Variants in NALF1 observed in about 807,000 individuals in gnomAD.
The protein encoded by NALF1 is family with sequence similarity 155 member A.
A neutral mutation model predicts 48.4 loss-of-function variants in NALF1; 3 were observed. That is an observed-to-expected ratio of 0.06 (90% CI 0.03 to 0.16). The LOEUF (loss-of-function observed/expected upper bound fraction) is 0.16. Ranked by LOEUF, NALF1 falls within the 10% of genes least tolerant of loss-of-function variation. The pLI, the probability that NALF1 is intolerant of heterozygous loss-of-function variation, is 1.00. For synonymous variants in NALF1, 262 were observed against 245.7 expected, an observed-to-expected ratio of 1.07 and a Z score of -0.62; for missense variants, 526 against 571.5, an observed-to-expected ratio of 0.92 and a Z score of 0.81.
chr13:107,302,705 T>A (rs1030198833), intron 1 of NALF1, among the ~76,000 whole-genome samples: 1 of 152,166 alleles, frequency 6.6e-6, no homozygotes, highest in Non-Finnish European at 1.5e-5. Context: ...TTCAAAACAA[T>A]TGAATCTGAA....
At chr13:107,186,949 C>G (rs1356106744) in intron 2 of NALF1, among the ~76,000 whole-genome samples, 1 of 152,156 alleles carries the variant, frequency 6.6e-6, no homozygotes, top group Non-Finnish European at 1.5e-5. Flanking sequence ...ACTGATGTCC[C>G]CATTTTCTTG....
rs72367311 is a variant in NALF1, at chr13:107,181,613, C to CTTT, written c.1088-10830_1088-10828dup. ...TTTTCCTTGTGTCTTACTATATAGA[C>CTTT]TTTTTTTTTTTTTGCAAATGTTAGT... On this transcript the variant is annotated intron_variant, in intron 2 of 2. Coordinates refer to ENST00000375915, the MANE Select transcript of NALF1 (RefSeq NM_001080396.3). Among the ~76,000 whole-genome samples, 177 of 134,740 alleles carry CTTT rather than the reference C, an allele frequency of 1.3e-3. 1 individual carries two copies. Among genetic ancestry groups the CTTT allele is most frequent in the Non-Finnish European group, 1.9e-3 (119 of 63,452 alleles). 88.4% of individuals were successfully genotyped at this position (134,740 alleles called of 152,430 possible). A position where few individuals can be genotyped will look rare whatever the true frequency, so the allele number is the denominator to read the frequency against.
intron 1 of NALF1, among the ~76,000 whole-genome samples, chr13:107,849,205 G>A (rs991018508): frequency 2.0e-5 from 3 of 152,100 alleles, no homozygotes; most frequent in Admixed American, 6.6e-5. Flanking sequence ...AACAATGTTT[G>A]GAAAGTGATA....
intron 1 of NALF1, among the ~76,000 whole-genome samples, chr13:107,774,427 C>A (rs1480718172): frequency 6.6e-6 from 1 of 152,064 alleles, no homozygotes; most frequent in Non-Finnish European, 1.5e-5. Flanking sequence ...GGACAAAATC[C>A]TAAGAAATTA....
chr13:107,368,150 G>A (rs1364703946), intron 1 of NALF1, among the ~76,000 whole-genome samples: 1 of 151,900 alleles, frequency 6.6e-6, no homozygotes, highest in African/African-American at 2.4e-5. Context: ...TTGCATCTAG[G>A]AAACAAAGGG....
At chr13:107,275,727 G>C (rs944401832) in intron 1 of NALF1, among the ~76,000 whole-genome samples, 9 of 152,034 alleles carry the variant, frequency 5.9e-5, no homozygotes, top group Admixed American at 5.9e-4. Flanking sequence ...ACATTGCATG[G>C]GACATACTCA....
intron 1 of NALF1, among the ~76,000 whole-genome samples, chr13:107,482,617 T>C (rs1479285455): frequency 7.9e-5 from 12 of 152,124 alleles, no homozygotes; most frequent in Admixed American, 6.6e-4. Context: ...CTTTCAGCAA[T>C]ATAATAAAAA....
At chr13:107,492,313 T>C (rs1875166018) in intron 1 of NALF1, among the ~76,000 whole-genome samples, 1 of 152,070 alleles carries the variant, frequency 6.6e-6, no homozygotes, top group Non-Finnish European at 1.5e-5. Context: ...CCTTCCAAAG[T>C]GCTGGGATTA....
At chr13:107,710,094 A>T (rs953204903) in intron 1 of NALF1, among the ~76,000 whole-genome samples, 1 of 152,118 alleles carries the variant, frequency 6.6e-6, no homozygotes, top group East Asian at 1.9e-4. Flanking sequence ...CAGCCTGGGC[A>T]AAAGAGTGAG....
At chr13:107,861,581 G>A (rs902684577) in intron 1 of NALF1, among the ~76,000 whole-genome samples, 19 of 152,284 alleles carry the variant, frequency 1.2e-4, no homozygotes, top group African/African-American at 2.4e-4. Flanking sequence ...TCAGGAGATC[G>A]AGACCATCCT....
chr13:107,315,087 T>C (rs1346364492), intron 1 of NALF1, among the ~76,000 whole-genome samples: 1 of 152,076 alleles, frequency 6.6e-6, no homozygotes, highest in African/African-American at 2.4e-5. Flanking sequence ...TAAATTCAAC[T>C]TAAACAAAAT....
intron 1 of NALF1, among the ~76,000 whole-genome samples, chr13:107,381,130 A>T (rs1418671639): frequency 6.7e-6 from 1 of 148,656 alleles, no homozygotes; most frequent in Non-Finnish European, 1.5e-5. Flanking sequence ...ATGAAATAAA[A>T]TATATATTCA....
chr13:107,693,694 C>T (rs571742754), intron 1 of NALF1, among the ~76,000 whole-genome samples: 2 of 151,784 alleles, frequency 1.3e-5, no homozygotes, highest in Admixed American at 6.6e-5. Flanking sequence ...TCTACTATAT[C>T]GCCATTCTAA....
intron 1 of NALF1, among the ~76,000 whole-genome samples, chr13:107,530,352 T>C (rs1353742507): frequency 6.6e-6 from 1 of 152,150 alleles, no homozygotes. Flanking sequence ...ACCACTAGCA[T>C]GGATACTTTT....
intron 1 of NALF1, among the ~76,000 whole-genome samples, chr13:107,406,986 T>C (rs534689037): frequency 4.2e-4 from 64 of 152,180 alleles, no homozygotes; most frequent in Admixed American, 6.6e-4. Context: ...AACTCATTTT[T>C]GACAAAGGTG....
At chr13:107,403,995 C>T (rs1375693566) in intron 1 of NALF1, among the ~76,000 whole-genome samples, 1 of 152,100 alleles carries the variant, frequency 6.6e-6, no homozygotes, top group Non-Finnish European at 1.5e-5. Flanking sequence ...CCTGTATTTT[C>T]ATGCATCAGG....
At chr13:107,689,589 T>A (rs1228091673) in intron 1 of NALF1, among the ~76,000 whole-genome samples, 1 of 152,162 alleles carries the variant, frequency 6.6e-6, no homozygotes, top group African/African-American at 2.4e-5. Flanking sequence ...AATATTGAAA[T>A]ACTTAATTTT....
At chr13:107,615,204 AT>A (rs956667039) in intron 1 of NALF1, among the ~76,000 whole-genome samples, 1 of 152,062 alleles carries the variant, frequency 6.6e-6, no homozygotes, top group African/African-American at 2.4e-5. Context: ...ATACATTCAT[AT>A]TTTTTTCCTA....
intron 1 of NALF1, among the ~76,000 whole-genome samples, chr13:107,645,680 C>CAAAAAAAAAAAAAAAAAAAAAAA (rs56187783): frequency 7.5e-6 from 1 of 132,502 alleles, no homozygotes. Flanking sequence ...TACTGGGAGA[C>CAAAAAAAAAAAAAAAAAAAAAAA]AAAAAAAAAA....
Sources: gnomAD v4.1 joint callset for allele counts (sites outside exome capture counted in the v4.1 genomes callset) on GRCh38, gnomAD v4.1.1 for gene constraint, MANE v1.5 for transcripts, NCBI Gene and HGNC (gene_info 2026-07-23, HGNC 2026-07-21) for gene names.